PPP2R2B: variants seen among roughly 807,000 people sequenced by gnomAD.
PPP2R2B encodes serine/threonine-protein phosphatase 2A 55 kDa regulatory subunit B beta isoform.
Under a neutral mutation model 46.0 loss-of-function variants are expected in PPP2R2B, and 5 were observed. The observed-to-expected ratio is 0.11, with a 90% CI of 0.06 to 0.23. The LOEUF is 0.23. Ranked by LOEUF, PPP2R2B falls within the 10% of genes least tolerant of loss-of-function variation. The pLI, the probability that PPP2R2B is intolerant of heterozygous loss-of-function variation, is 1.00. For synonymous variants in PPP2R2B, 215 were observed against 206.7 expected (o/e 1.04, Z -0.34); for missense variants, 367 against 575.0 (o/e 0.64, Z 3.70).
At chr5:146,706,721 A>T in intron 2 of PPP2R2B, 1 of 831,896 alleles carries the variant, frequency 1.2e-6, no homozygotes, top group South Asian at 1.3e-5. Flanking sequence ...CAGTCTTTGT[A>T]AGACGCAGGT....
At chr5:146,885,643 C>T (rs1762296613) in intron 1 of PPP2R2B, among the ~76,000 whole-genome samples, 1 of 152,164 alleles carries the variant, frequency 6.6e-6, no homozygotes, top group Non-Finnish European at 1.5e-5. Context: ...ATTAAAAGCA[C>T]GTGTTCCCAC....
chr5:146,657,090 C>T (rs1776382276), intron 5 of PPP2R2B, among the ~76,000 whole-genome samples: 1 of 152,192 alleles, frequency 6.6e-6, no homozygotes, highest in Admixed American at 6.5e-5. Flanking sequence ...GGTCACAGTG[C>T]CTTGCTTCAG....
chr5:147,028,794 T>G (rs1755643923), intron 1 of PPP2R2B, among the ~76,000 whole-genome samples: 1 of 152,208 alleles, frequency 6.6e-6, no homozygotes, highest in Admixed American at 6.5e-5. Flanking sequence ...CTCGCACTGG[T>G]AGCATATGAG....
At chr5:146,682,235 CA>C in intron 5 of PPP2R2B, among the ~76,000 whole-genome samples, 1 of 152,150 alleles carries the variant, frequency 6.6e-6, no homozygotes, top group Non-Finnish European at 1.5e-5. Context: ...AGAGTCAGTA[CA>C]AAGGCAGATT....
At chr5:146,891,305 T>C (rs1414252797) in intron 1 of PPP2R2B, among the ~76,000 whole-genome samples, 14 of 152,216 alleles carry the variant, frequency 9.2e-5, no homozygotes, top group Admixed American at 9.2e-4. Context: ...TGTAGAGTAG[T>C]TGTAAAAATG....
At chr5:147,075,487 A>G (rs1308895006) in intron 2 of PPP2R2B, among the ~76,000 whole-genome samples, 8 of 152,058 alleles carry the variant, frequency 5.3e-5, no homozygotes, top group Non-Finnish European at 1.0e-4. Context: ...TTCTATCTCT[A>G]TCTCTGAGAT....
chr5:146,856,782 G>A (rs1028394529), intron 2 of PPP2R2B, among the ~76,000 whole-genome samples: 1 of 152,036 alleles, frequency 6.6e-6, no homozygotes, highest in African/African-American at 2.4e-5. Flanking sequence ...CAGCCCCGTC[G>A]ACCTGAAGTG....
intron 1 of PPP2R2B, among the ~76,000 whole-genome samples, chr5:146,897,885 G>T (rs1022442818): frequency 1.3e-5 from 2 of 152,070 alleles, no homozygotes; most frequent in African/African-American, 4.8e-5. Context: ...ACTGGTCAAG[G>T]AAATCTCTTA....
intron 5 of PPP2R2B, among the ~76,000 whole-genome samples, chr5:146,676,402 T>G (rs1019148931): frequency 6.6e-6 from 1 of 152,176 alleles, no homozygotes; most frequent in Non-Finnish European, 1.5e-5. Context: ...ACACATCCCC[T>G]GCACTCAGCT....
At chr5:146,599,186 C>G (rs767405493) in intron 8 of PPP2R2B, among the ~76,000 whole-genome samples, 1 of 152,110 alleles carries the variant, frequency 6.6e-6, no homozygotes, top group Non-Finnish European at 1.5e-5. Flanking sequence ...ACAAAACCAC[C>G]CTATACAATG....
intron 2 of PPP2R2B, among the ~76,000 whole-genome samples, chr5:146,793,891 C>T (rs1298699800): frequency 6.6e-6 from 1 of 152,132 alleles, no homozygotes; most frequent in African/African-American, 2.4e-5. Context: ...ACAGGGAGAC[C>T]AGTTTGCTCA....
intron 1 of PPP2R2B, among the ~76,000 whole-genome samples, chr5:146,900,135 A>T (rs113284022): frequency 9.8e-5 from 15 of 152,314 alleles, no homozygotes; most frequent in African/African-American, 3.4e-4. Context: ...CCTTTGCTAG[A>T]TGCTTTATTG....
chr5:146,889,836 T>A (rs1762439810), intron 1 of PPP2R2B, among the ~76,000 whole-genome samples: 1 of 152,210 alleles, frequency 6.6e-6, no homozygotes, highest in South Asian at 2.1e-4. Flanking sequence ...TTAGCAGTTG[T>A]CTAACTCCAG....
At chr5:146,663,980 TAC>T (rs1776827024) in intron 5 of PPP2R2B, among the ~76,000 whole-genome samples, 1 of 152,250 alleles carries the variant, frequency 6.6e-6, no homozygotes, top group South Asian at 2.1e-4. Context: ...CAGCTGGGAT[TAC>T]AGGCACGTGC....
chr5:146,733,817 A>G (rs1342411971), intron 2 of PPP2R2B, among the ~76,000 whole-genome samples: 1 of 152,202 alleles, frequency 6.6e-6, no homozygotes, highest in East Asian at 1.9e-4. Flanking sequence ...TCTTTGCAAT[A>G]TATGTGCTGG....
chr5:146,950,398 G>A (rs1454722950), intron 1 of PPP2R2B, among the ~76,000 whole-genome samples: 1 of 151,940 alleles, frequency 6.6e-6, no homozygotes, highest in African/African-American at 2.4e-5. Flanking sequence ...AGAGCACAGA[G>A]CCTGACAGTT....
At chr5:147,066,125 G>A (rs914654823) in intron 2 of PPP2R2B, among the ~76,000 whole-genome samples, 1 of 152,004 alleles carries the variant, frequency 6.6e-6, no homozygotes, top group Non-Finnish European at 1.5e-5. Context: ...TTACTTTCTG[G>A]GTTTAAATCA....
At chr5:146,810,057 G>A (rs374807189) in intron 2 of PPP2R2B, among the ~76,000 whole-genome samples, 4 of 152,340 alleles carry the variant, frequency 2.6e-5, no homozygotes, top group East Asian at 1.9e-4. Context: ...AAGCTGGTGG[G>A]TAGTGGTGCT....
chr5:146,879,954 T>A (rs921708108), upstream of PPP2R2B, among the ~76,000 whole-genome samples: 1 of 152,202 alleles, frequency 6.6e-6, no homozygotes, highest in African/African-American at 2.4e-5. Context: ...GAGGGACCTA[T>A]GAGTTAATTA....
Sources: gnomAD v4.1 joint callset for allele counts (sites outside exome capture counted in the v4.1 genomes callset) on GRCh38, gnomAD v4.1.1 for gene constraint, MANE v1.5 for transcripts, NCBI Gene and HGNC (gene_info 2026-07-23, HGNC 2026-07-21) for gene names.